Variants in ATP8A2 observed in about 807,000 individuals in gnomAD.
The protein encoded by ATP8A2 is ATPase phospholipid transporting 8A2.
ATP8A2 carries 100 observed loss-of-function variants against 165.6 expected under a neutral mutation model. That is an observed-to-expected ratio of 0.60 (90% CI 0.51 to 0.71). The LOEUF (loss-of-function observed/expected upper bound fraction) is 0.71. Among genes scored for constraint, ATP8A2 ranks in the 30% least tolerant of loss-of-function variants. The pLI is 0.00. For missense variants in ATP8A2, 1,227 were observed against 1,479.5 expected (o/e 0.83, Z 2.80); for synonymous variants, 543 against 548.8 (o/e 0.99, Z 0.15).
chr13:25,547,752 A>C (rs1462655186), intron 10 of ATP8A2, among the ~76,000 whole-genome samples: 1 of 152,180 alleles, frequency 6.6e-6, no homozygotes, highest in Non-Finnish European at 1.5e-5. Flanking sequence ...TCTAACTAGA[A>C]TTCAATGGCC....
chr13:25,946,901 C>G (rs1955228916), intron 33 of ATP8A2, among the ~76,000 whole-genome samples: 1 of 152,124 alleles, frequency 6.6e-6, no homozygotes, highest in Non-Finnish European at 1.5e-5. Context: ...CCATGCACCA[C>G]CACGCCTGGC....
intron 30 of ATP8A2, among the ~76,000 whole-genome samples, chr13:25,848,328 A>G (rs978160619): frequency 6.6e-6 from 1 of 152,218 alleles, no homozygotes; most frequent in African/African-American, 2.4e-5. Context: ...CAGGGCAAGG[A>G]TCATTTGCTC....
intron 33 of ATP8A2, among the ~76,000 whole-genome samples, chr13:25,928,803 C>T (rs1954684650): frequency 6.6e-6 from 1 of 152,126 alleles, no homozygotes; most frequent in African/African-American, 2.4e-5. Context: ...GAAAGTTCTC[C>T]CTTATTCTTC....
At chr13:25,821,540 C>A (rs980723696) in intron 27 of ATP8A2, among the ~76,000 whole-genome samples, 5 of 152,256 alleles carry the variant, frequency 3.3e-5, no homozygotes, top group African/African-American at 1.2e-4. Context: ...TTTCTAAACC[C>A]AAGCTCCCAT....
At chr13:25,910,686 T>G (rs1954078819) in intron 33 of ATP8A2, among the ~76,000 whole-genome samples, 1 of 152,166 alleles carries the variant, frequency 6.6e-6, no homozygotes, top group Non-Finnish European at 1.5e-5. Context: ...TGTTTTCCAG[T>G]TAGGAAAACA....
chr13:25,886,972 A>T (rs1474441926), intron 33 of ATP8A2, among the ~76,000 whole-genome samples: 1 of 152,218 alleles, frequency 6.6e-6, no homozygotes, highest in Non-Finnish European at 1.5e-5. Context: ...ACACTTTTCC[A>T]TATACCAGCC....
At chr13:25,655,938 G>C (rs564775619) in intron 24 of ATP8A2, among the ~76,000 whole-genome samples, 2 of 152,294 alleles carry the variant, frequency 1.3e-5, no homozygotes, top group East Asian at 3.9e-4. Flanking sequence ...GATGTCACTA[G>C]ATTTCAATGT....
intron 25 of ATP8A2, among the ~76,000 whole-genome samples, chr13:25,718,886 C>G (rs1009075166): frequency 6.6e-6 from 1 of 152,074 alleles, no homozygotes; most frequent in Non-Finnish European, 1.5e-5. Flanking sequence ...ACTAGGTAGA[C>G]AAGTTGGTAC....
At chr13:25,794,060 G>C (rs947030849) in intron 27 of ATP8A2, among the ~76,000 whole-genome samples, 3 of 152,130 alleles carry the variant, frequency 2.0e-5, no homozygotes, top group Non-Finnish European at 4.4e-5. Flanking sequence ...TATATTTTTC[G>C]TACTTGGTTG....
chr13:25,875,138 C>A (rs112223089), intron 33 of ATP8A2, among the ~76,000 whole-genome samples: 1,572 of 152,060 alleles, frequency 0.01, 29 homozygotes, highest in African/African-American at 0.035. Context: ...CACAGAGTTG[C>A]AGTTTTGCCA....
At chr13:25,408,974 AG>A (rs1171235701) in intron 1 of ATP8A2, among the ~76,000 whole-genome samples, 3 of 152,378 alleles carry the variant, frequency 2.0e-5, no homozygotes, top group South Asian at 2.1e-4. Context: ...GCTTGATTTT[AG>A]TACCTTCAAT....
chr13:25,379,784 G>A (rs1309032921), intron 1 of ATP8A2, among the ~76,000 whole-genome samples: 6 of 152,250 alleles, frequency 3.9e-5, no homozygotes, highest in African/African-American at 9.6e-5. Flanking sequence ...CCAGCGTGCC[G>A]TGTCCCCAGG....
At chr13:25,533,467 A>G (rs1222517387) in intron 6 of ATP8A2, among the ~76,000 whole-genome samples, 154 bp downstream of exon 6, 7 of 152,102 alleles carry the variant, frequency 4.6e-5, no homozygotes, top group Non-Finnish European at 8.8e-5. Flanking sequence ...CTTCCCTTGC[A>G]CCTTCTAGTA....
At chr13:25,580,634 A>G (rs1224624189) in intron 22 of ATP8A2, among the ~76,000 whole-genome samples, 3 of 152,278 alleles carry the variant, frequency 2.0e-5, no homozygotes, top group Admixed American at 6.5e-5. Context: ...CCTGGGTTCA[A>G]GCTAACCTCC....
chr13:25,497,630 A>C (rs2036717829), intron 2 of ATP8A2, among the ~76,000 whole-genome samples: 1 of 152,090 alleles, frequency 6.6e-6, no homozygotes, highest in Admixed American at 6.5e-5. Flanking sequence ...TTCCTAGTCT[A>C]TCTCCCCTCT....
chr13:25,743,540 G>A (rs2043962683), intron 25 of ATP8A2, among the ~76,000 whole-genome samples: 1 of 152,178 alleles, frequency 6.6e-6, no homozygotes, highest in South Asian at 2.1e-4. Context: ...TCCCTTTGTG[G>A]GTGGTCACTA....
chr13:25,453,420 A>G (rs1243694893), intron 1 of ATP8A2, among the ~76,000 whole-genome samples: 2 of 152,018 alleles, frequency 1.3e-5, no homozygotes, highest in Non-Finnish European at 2.9e-5. Context: ...ATGACTCAAG[A>G]TGGTAAGTGT....
chr13:25,606,692 C>A (rs865854032), intron 24 of ATP8A2, among the ~76,000 whole-genome samples: 1 of 152,118 alleles, frequency 6.6e-6, no homozygotes, highest in African/African-American at 2.4e-5. Flanking sequence ...TACTTAAACA[C>A]CCCCAGACAC....
At chr13:25,626,745 T>C (rs1219796277) in intron 24 of ATP8A2, among the ~76,000 whole-genome samples, 1 of 152,114 alleles carries the variant, frequency 6.6e-6, no homozygotes, top group East Asian at 1.9e-4. Context: ...TGAGACTCGG[T>C]AATTTATAAA....
Sources: allele counts gnomAD v4.1 joint callset (sites outside exome capture counted in the v4.1 genomes callset), GRCh38; gene constraint gnomAD v4.1.1; transcripts MANE v1.5; gene names NCBI Gene and HGNC (gene_info 2026-07-23, HGNC 2026-07-21).